PPP3R1: variants seen among roughly 807,000 people sequenced by gnomAD.
PPP3R1 encodes the protein protein phosphatase 3 regulatory subunit B, alpha.
A neutral mutation model predicts 22.6 loss-of-function variants in PPP3R1; 5 were observed. The ratio of observed to expected loss-of-function variants is 0.22; its 90% confidence interval spans 0.12 to 0.46. The LOEUF is 0.46. Ranked by LOEUF, PPP3R1 falls within the 20% of genes least tolerant of loss-of-function variation. The probability of loss-of-function intolerance (pLI) is 0.99; values close to 1 mark genes in which losing one functional copy is unlikely to be tolerated. For synonymous variants in PPP3R1, 56 were observed against 65.2 expected (o/e 0.86, Z 0.68); for missense variants, 61 against 203.2 (o/e 0.30, Z 4.25).
chr2:68,207,772 T>C (rs180694720), intron 2 of PPP3R1, among the ~76,000 whole-genome samples: 17 of 152,234 alleles, frequency 1.1e-4, no homozygotes, highest in Admixed American at 2.6e-4. Flanking sequence ...CACTATCAAG[T>C]GGAGGAATAA....
chr2:68,212,001 T>C (rs76747325), intron 2 of PPP3R1, among the ~76,000 whole-genome samples: 5,569 of 152,350 alleles, frequency 0.037, 289 homozygotes, highest in African/African-American at 0.12. Flanking sequence ...TTTCAAACTC[T>C]TGTTTATACT....
rs1360011926 is a variant in PPP3R1 at position 68,251,215 on chromosome 2, G to GCAGCGA, written c.3+904_3+909dup. Reference sequence around the variant, plus strand: ...AAAGGGCGTCGTTGATTTCTTGGCTGCAGCGACAGAGGCGGGAGACACACC... The same window carrying GCAGCGA: ...AAAGGGCGTCGTTGATTTCTTGGCTGCAGCGACAGCGACAGAGGCGGGAGACACACC... On this transcript the variant is annotated intron_variant, in intron 1 of 5. Coordinates refer to ENST00000234310, the MANE Select transcript of PPP3R1 (RefSeq NM_000945.4). 6 of 152,362 alleles carry GCAGCGA rather than the reference G, an allele frequency of 3.9e-5. No homozygotes were observed. The East Asian group carries it at 1.2e-3, about 29-fold the overall frequency. 9.4% of individuals were successfully genotyped at this position (152,362 alleles called of 1,614,324 possible). A position where few individuals can be genotyped will look rare whatever the true frequency, so the allele number is the denominator to read the frequency against.
chr2:68,249,280 T>G (rs1280612712), intron 1 of PPP3R1, among the ~76,000 whole-genome samples: 2 of 151,508 alleles, frequency 1.3e-5, no homozygotes, highest in East Asian at 3.9e-4. Flanking sequence ...GAATTTTAAT[T>G]CCGCTGGTCA....
intron 2 of PPP3R1, among the ~76,000 whole-genome samples, chr2:68,189,202 CTCCCTTCCCACCCCGAGATA>C (rs1674610566): frequency 6.6e-6 from 1 of 152,082 alleles, no homozygotes; most frequent in African/African-American, 2.4e-5. Context: ...CAAAGTTTCC[CTCCCTTCCCACCCCGAGATA>C]TCCATTTCCT....
chr2:68,229,971 CA>C (rs1558640560), intron 1 of PPP3R1, among the ~76,000 whole-genome samples: 1 of 70,586 alleles, frequency 1.4e-5, no homozygotes, highest in Non-Finnish European at 2.4e-5. Context: ...TATATACACA[CA>C]TACACACACA....
chr2:68,221,379 T>C (rs965643103), intron 1 of PPP3R1, among the ~76,000 whole-genome samples: 5 of 151,026 alleles, frequency 3.3e-5, no homozygotes, highest in African/African-American at 1.2e-4. Context: ...ATGCCTGTAG[T>C]CTCGGCTACT....
chr2:68,223,959 A>C lies in PPP3R1; in HGVS notation c.4-6828T>G, dbSNP rs138747971. 1.3e-4 allele frequency among the ~76,000 whole-genome samples: 20 copies of C among 152,128 alleles called. No individual in the cohort carries two copies. The East Asian group carries it at 3.9e-3, about 29-fold the overall frequency. Reference sequence around the variant, plus strand: ...GAATTAAGCAAGACGGCAAGATAAAAGGTCAATATACAAAAGTTAAATATA... The same window carrying C: ...GAATTAAGCAAGACGGCAAGATAAACGGTCAATATACAAAAGTTAAATATA... On this transcript the variant is annotated intron_variant, in intron 1 of 5. Transcript: ENST00000234310.
At chr2:68,232,251 GTGTGTGTGTGTGTGTATATA>G (rs1157273859) in intron 1 of PPP3R1, among the ~76,000 whole-genome samples, 2,811 of 77,486 alleles carry the variant, frequency 0.036, 109 homozygotes, top group African/African-American at 0.15. Context: ...GTGTGTGTGT[GTGTGTGTGTGTGTGTATATA>G]TATATACACA....
chr2:68,245,235 A>C (rs1670212475), intron 1 of PPP3R1, among the ~76,000 whole-genome samples: 1 of 151,992 alleles, frequency 6.6e-6, no homozygotes, highest in Non-Finnish European at 1.5e-5. Flanking sequence ...AGTGGTGTGC[A>C]CCTGTAGTCT....
At chr2:68,191,871 A>G (rs955045157) in intron 2 of PPP3R1, among the ~76,000 whole-genome samples, 7 of 152,168 alleles carry the variant, frequency 4.6e-5, no homozygotes, top group Admixed American at 1.3e-4. Flanking sequence ...TTTTCTATCT[A>G]TAAAATGACA....
chr2:68,220,840 G>A (rs1669675436), intron 1 of PPP3R1, among the ~76,000 whole-genome samples: 1 of 152,106 alleles, frequency 6.6e-6, no homozygotes, highest in Non-Finnish European at 1.5e-5. Context: ...AGACTGGTGG[G>A]TGCCAGTTAC....
chr2:68,199,400 T>C (rs1674910056), intron 2 of PPP3R1, among the ~76,000 whole-genome samples: 1 of 152,218 alleles, frequency 6.6e-6, no homozygotes, highest in Admixed American at 6.5e-5. Context: ...AACCATGTCA[T>C]CTGGGAATAA....
intron 1 of PPP3R1, among the ~76,000 whole-genome samples, chr2:68,245,537 G>A (rs915640256): frequency 1.3e-5 from 2 of 152,116 alleles, no homozygotes; most frequent in African/African-American, 4.8e-5. Flanking sequence ...TATTTGTAAT[G>A]TGCTATCTTT....
chr2:68,193,016 T>G (rs747842616), intron 2 of PPP3R1, among the ~76,000 whole-genome samples: 10 of 152,184 alleles, frequency 6.6e-5, no homozygotes, highest in Admixed American at 2.0e-4. Context: ...ATGATTTATC[T>G]TATAGTTGTA....
intron 2 of PPP3R1, among the ~76,000 whole-genome samples, chr2:68,199,261 C>A (rs866576975): frequency 6.6e-6 from 1 of 152,154 alleles, no homozygotes; most frequent in Non-Finnish European, 1.5e-5. Flanking sequence ...CGCTCCCAGA[C>A]CCATTTCATT....
chr2:68,236,260 A>G (rs1419280327), intron 1 of PPP3R1, among the ~76,000 whole-genome samples: 2 of 152,098 alleles, frequency 1.3e-5, no homozygotes, highest in South Asian at 2.1e-4. Flanking sequence ...ATGCGTTTGT[A>G]AAGTTTTATT....
chr2:68,217,052 G>C (rs1363077520), intron 2 of PPP3R1, 40 bp downstream of exon 2: 5 of 1,436,786 alleles, frequency 3.5e-6, no homozygotes, highest in Non-Finnish European at 4.8e-6. Context: ...AGAGAGATGA[G>C]TGAATAAAAG....
At chr2:68,217,385 AT>A (rs1174823281) in intron 1 of PPP3R1, among the ~76,000 whole-genome samples, 1 of 152,154 alleles carries the variant, frequency 6.6e-6, no homozygotes, top group Non-Finnish European at 1.5e-5. Flanking sequence ...TGATTGCAAT[AT>A]ATTTCAAATA....
chr2:68,209,172 A>C (rs7602638), intron 2 of PPP3R1, among the ~76,000 whole-genome samples: 67,925 of 148,018 alleles, frequency 0.46, 15,889 homozygotes, highest in South Asian at 0.62. Context: ...TCCCGGCTAA[A>C]ACGGTGAAAC....
Sources: allele counts gnomAD v4.1 joint callset (sites outside exome capture counted in the v4.1 genomes callset), GRCh38; gene constraint gnomAD v4.1.1; transcripts MANE v1.5; gene names NCBI Gene and HGNC (gene_info 2026-07-23, HGNC 2026-07-21).